Variants in SAMD5 observed in about 807,000 individuals in gnomAD.
SAMD5 encodes sterile alpha motif domain containing 5, also known as sterile alpha motif domain-containing protein 5.
SAMD5 carries 13 observed loss-of-function variants against 11.3 expected under a neutral mutation model. The observed-to-expected ratio is 1.15, with a 90% CI of 0.75 to 1.83. SAMD5 has a LOEUF of 1.83. SAMD5 is among the 40% of genes most tolerant of loss of function. SAMD5 has a pLI of 0.00. For missense variants in SAMD5, 255 were observed against 239.1 expected, an observed-to-expected ratio of 1.07 and a Z score of -0.44; for synonymous variants, 129 against 111.3, an observed-to-expected ratio of 1.16 and a Z score of -1.00.
At chr6:147,933,651 T>A in the SAMD5 span, among the ~76,000 whole-genome samples, 1 of 148,190 alleles carries the variant, frequency 6.7e-6, no homozygotes, top group Non-Finnish European at 1.5e-5. Flanking sequence ...AATCTAAAAT[T>A]CTGTGACATC....
intron 1 of SAMD5, among the ~76,000 whole-genome samples, chr6:147,578,675 TA>T (rs1424723606): frequency 6.6e-6 from 1 of 152,084 alleles, no homozygotes; most frequent in Non-Finnish European, 1.5e-5. Flanking sequence ...CTAAAATGCC[TA>T]AAAAACAATT....
intron 1 of SAMD5, among the ~76,000 whole-genome samples, chr6:147,556,725 A>C (rs1788863272): frequency 6.6e-6 from 1 of 152,256 alleles, no homozygotes; most frequent in Non-Finnish European, 1.5e-5. Flanking sequence ...TGTAGAGCTC[A>C]AATATGCTTA....
the SAMD5 span, among the ~76,000 whole-genome samples, chr6:147,835,125 C>T: frequency 6.7e-6 from 1 of 149,600 alleles, no homozygotes; most frequent in South Asian, 2.1e-4. Flanking sequence ...CACAGCTACT[C>T]GGGAAGCTGA....
chr6:147,547,206 TAATA>T (rs1788700577), intron 1 of SAMD5, among the ~76,000 whole-genome samples: 4 of 152,240 alleles, frequency 2.6e-5, no homozygotes, highest in African/African-American at 9.6e-5. Flanking sequence ...TATTGCTGCA[TAATA>T]AATAGCCACA....
the SAMD5 span, among the ~76,000 whole-genome samples, chr6:147,839,332 G>A: frequency 6.6e-6 from 1 of 152,184 alleles, no homozygotes; most frequent in Non-Finnish European, 1.5e-5. Flanking sequence ...TTAGATCAGA[G>A]TTTAAGAGCT....
the SAMD5 span, among the ~76,000 whole-genome samples, chr6:147,820,253 G>A: frequency 1.3e-5 from 2 of 152,090 alleles, no homozygotes; most frequent in Non-Finnish European, 2.9e-5. Flanking sequence ...TTCAGACTTA[G>A]GTTTTAGAGG....
At chr6:147,715,985 A>G (rs527541754) in intron 1 of SAMD5, among the ~76,000 whole-genome samples, 1 of 151,988 alleles carries the variant, frequency 6.6e-6, no homozygotes, top group Non-Finnish European at 1.5e-5. Flanking sequence ...AAAGCACCAT[A>G]AGTTCCCACT....
At chr6:147,924,825 T>C in the SAMD5 span, among the ~76,000 whole-genome samples, 1 of 149,328 alleles carries the variant, frequency 6.7e-6, no homozygotes, top group East Asian at 2.0e-4. Flanking sequence ...TAAAATCAAC[T>C]TCAGAAACTA....
chr6:147,816,305 T>TAA, the SAMD5 span, among the ~76,000 whole-genome samples: 1 of 69,354 alleles, frequency 1.4e-5, no homozygotes, highest in African/African-American at 7.3e-5. Flanking sequence ...AAAAAAAATA[T>TAA]ATATATATAT....
chr6:147,826,476 T>G, the SAMD5 span, among the ~76,000 whole-genome samples: 102 of 152,172 alleles, frequency 6.7e-4, no homozygotes, highest in Admixed American at 7.2e-4. Flanking sequence ...CCTGGGAGCC[T>G]CTAATGCCAC....
intron 1 of SAMD5, among the ~76,000 whole-genome samples, chr6:147,719,828 T>C (rs1260248596): frequency 6.6e-6 from 1 of 152,222 alleles, no homozygotes; most frequent in Admixed American, 6.5e-5. Context: ...ATTTGCATTC[T>C]AATCCTTCAT....
chr6:147,945,730 T>G, the SAMD5 span, among the ~76,000 whole-genome samples: 1 of 152,196 alleles, frequency 6.6e-6, no homozygotes, highest in South Asian at 2.1e-4. Context: ...ACCTTCCTCC[T>G]GGCTCTGTGT....
chr6:147,531,743 G>T (rs1357644833), intron 1 of SAMD5, among the ~76,000 whole-genome samples: 1 of 152,050 alleles, frequency 6.6e-6, no homozygotes, highest in Non-Finnish European at 1.5e-5. Flanking sequence ...GATAATGAGG[G>T]ATATTATAGA....
At chr6:147,825,517 T>C in the SAMD5 span, among the ~76,000 whole-genome samples, 1 of 152,220 alleles carries the variant, frequency 6.6e-6, no homozygotes, top group African/African-American at 2.4e-5. Context: ...GCAATTATCA[T>C]AAATATTCCA....
chr6:147,631,387 C>T (rs781502289), intron 1 of SAMD5, among the ~76,000 whole-genome samples: 18 of 152,268 alleles, frequency 1.2e-4, no homozygotes, highest in Non-Finnish European at 2.5e-4. Flanking sequence ...TGGGCTCTAT[C>T]CTTGACAGAG....
At chr6:147,621,493 C>G (rs1356108473) in intron 1 of SAMD5, among the ~76,000 whole-genome samples, 1 of 152,128 alleles carries the variant, frequency 6.6e-6, no homozygotes, top group Non-Finnish European at 1.5e-5. Flanking sequence ...CATCCAACAG[C>G]CATCCCTCCT....
At chr6:147,814,751 G>A in the SAMD5 span, among the ~76,000 whole-genome samples, 3 of 152,192 alleles carry the variant, frequency 2.0e-5, no homozygotes, top group African/African-American at 7.2e-5. Context: ...AATGATTTGT[G>A]TACCTTTGCC....
chr6:147,747,188 T>A, the SAMD5 span, among the ~76,000 whole-genome samples: 1 of 152,148 alleles, frequency 6.6e-6, no homozygotes, highest in Non-Finnish European at 1.5e-5. Flanking sequence ...TCTCACAACA[T>A]TTGAATATGA....
Position 147,564,526 on chromosome 6 carries a change from C to A in SAMD5, c.*70C>A, listed in dbSNP as rs963682811. The A allele has an allele frequency of 5.3e-6, 5 of 938,896 alleles. No homozygotes were observed. Among genetic ancestry groups the A allele is most frequent in the Non-Finnish European group, 8.6e-6 (5 of 578,690 alleles). The allele number at this position is 938,896 out of a possible 1,614,324, so 58.2% of individuals were successfully genotyped here. On this transcript the variant is annotated 3_prime_UTR_variant, in exon 2 of 2. Coordinates refer to ENST00000367474, the MANE Select transcript of SAMD5 (RefSeq NM_001030060.3). ...GACTGGAAAAGGGCATATTTAGAAC[C>A]TTCTTTCAAAAAGGGAAATGGATGA...
Sources: gnomAD v4.1 joint callset for allele counts (sites outside exome capture counted in the v4.1 genomes callset) on GRCh38, gnomAD v4.1.1 for gene constraint, MANE v1.5 for transcripts, NCBI Gene and HGNC (gene_info 2026-07-23, HGNC 2026-07-21) for gene names.